Variants in MAGI2 observed in about 807,000 individuals in gnomAD.
MAGI2 encodes membrane-associated guanylate kinase, WW and PDZ domain-containing protein 2.
MAGI2 carries 35 observed loss-of-function variants against 133.3 expected under a neutral mutation model. That is an observed-to-expected ratio of 0.26 (90% CI 0.20 to 0.35). The LOEUF (loss-of-function observed/expected upper bound fraction) is 0.35, where lower values mean the gene tolerates loss of function less well. Ranked by LOEUF, MAGI2 falls within the 10% of genes least tolerant of loss-of-function variation. The probability of loss-of-function intolerance (pLI) is 1.00; values close to 1 mark genes in which losing one functional copy is unlikely to be tolerated. For missense variants in MAGI2, 1,636 were observed against 1,863.4 expected (o/e 0.88, Z 2.25); for synonymous variants, 729 against 710.6 (o/e 1.03, Z -0.41).
intron 1 of MAGI2, among the ~76,000 whole-genome samples, chr7:79,135,997 A>C (rs931689467): frequency 2.8e-4 from 13 of 47,222 alleles, no homozygotes; most frequent in African/African-American, 6.7e-4. Flanking sequence ...GAAAGAAAGA[A>C]AGAAAGAGAA....
Position 78,494,231 on chromosome 7 carries a change from A to G in MAGI2, c.966-4391T>C, listed in dbSNP as rs150950318. Among the ~76,000 whole-genome samples, 641 of 152,242 alleles carry G rather than the reference A, an allele frequency of 4.2e-3. 4 individuals are homozygous for G. The highest frequency in any genetic ancestry group is 0.015 in the African/African-American group (610 of 41,550). On this transcript the variant is annotated intron_variant, in intron 5 of 21. Coordinates refer to ENST00000354212, the MANE Select transcript of MAGI2 (RefSeq NM_012301.4). ...CCTTGGCCTCCAAATTACTGGGATTACAGGCATGAACCACCGTGCCTGGCC... is the reference window on the plus strand; with the variant it reads ...CCTTGGCCTCCAAATTACTGGGATTGCAGGCATGAACCACCGTGCCTGGCC...
At chr7:78,636,406 G>A (rs1444228635) in intron 2 of MAGI2, among the ~76,000 whole-genome samples, 1 of 147,858 alleles carries the variant, frequency 6.8e-6, no homozygotes, top group Non-Finnish European at 1.5e-5. Context: ...GGATATAAAG[G>A]TTCAAAATAG....
At chr7:78,261,631 G>A (rs973125785) in intron 9 of MAGI2, among the ~76,000 whole-genome samples, 3 of 152,044 alleles carry the variant, frequency 2.0e-5, no homozygotes, top group Admixed American at 6.6e-5. Context: ...CTCCAGTTTA[G>A]TGTTTCTAAC....
chr7:78,919,602 G>T (rs1220333123), intron 2 of MAGI2, among the ~76,000 whole-genome samples: 5 of 151,964 alleles, frequency 3.3e-5, no homozygotes, highest in Non-Finnish European at 7.4e-5. Flanking sequence ...ATTGGAGTGG[G>T]TCCATATAAA....
chr7:79,061,459 T>C (rs2117072246), intron 1 of MAGI2, among the ~76,000 whole-genome samples: 1 of 152,134 alleles, frequency 6.6e-6, no homozygotes, highest in East Asian at 1.9e-4. Flanking sequence ...GTTACAAATC[T>C]TCTAGTGTTT....
intron 2 of MAGI2, among the ~76,000 whole-genome samples, chr7:78,785,910 T>C (rs1762554608): frequency 6.6e-6 from 1 of 152,146 alleles, no homozygotes; most frequent in Non-Finnish European, 1.5e-5. Context: ...TTGGTGAGAC[T>C]TCATACACTA....
intron 2 of MAGI2, among the ~76,000 whole-genome samples, chr7:78,951,120 C>T (rs192323255): frequency 5.9e-5 from 9 of 151,874 alleles, no homozygotes; most frequent in African/African-American, 1.9e-4. Context: ...TACAGGTGTG[C>T]ACCACCACGC....
chr7:78,372,889 T>C (rs74302400), intron 6 of MAGI2, among the ~76,000 whole-genome samples: 8,191 of 152,258 alleles, frequency 0.054, 319 homozygotes, highest in South Asian at 0.095. Flanking sequence ...GAGACCCCTT[T>C]ATGGTAGCTC....
chr7:79,121,388 A>G (rs28584374), intron 1 of MAGI2, among the ~76,000 whole-genome samples: 3,015 of 152,206 alleles, frequency 0.02, 119 homozygotes, highest in African/African-American at 0.069. Context: ...CAGGAGGTGA[A>G]TTCAATGTTT....
intron 2 of MAGI2, among the ~76,000 whole-genome samples, chr7:78,721,186 C>T (rs563899829): frequency 6.6e-6 from 1 of 152,008 alleles, no homozygotes; most frequent in Non-Finnish European, 1.5e-5. Context: ...ACCAGTTCTT[C>T]CTCATGGCTG....
chr7:78,132,955 G>A lies in MAGI2; in HGVS notation c.3137C>T (p.Thr1046Ile). Residue 1046 changes from threonine (T) to isoleucine (I), a missense_variant, in exon 18 of 22, where the codon ACC becomes ATC. Thr to Ile is a moderately conservative substitution (Grantham distance 89). Around this residue, in one of 5 missense-constraint regions of MAGI2, gnomAD observed 920 missense variants for 1,093.5 expected, o/e 0.84. Coordinates refer to ENST00000354212, the MANE Select transcript of MAGI2 (RefSeq NM_012301.4). ...QSPLAQPSPA[T>I]PNSPIAQPAP... ...TGGCTGGGCGATGGGGCTGTTGGGG[G>A]TGGCTGGGCTTGGCTGGGCCAGGGG... The A allele has an allele frequency of 6.2e-7, 1 of 1,613,788 alleles. No individual in the cohort carries two copies. The highest frequency in any genetic ancestry group is 1.1e-5 in the South Asian group (1 of 91,040).
intron 12 of MAGI2, among the ~76,000 whole-genome samples, chr7:78,189,308 T>TA (rs996599891): frequency 6.6e-6 from 1 of 152,180 alleles, no homozygotes; most frequent in African/African-American, 2.4e-5. Context: ...TATATAGTAC[T>TA]AAAAAACAGT....
chr7:78,130,181 T>C (rs1821421231), intron 18 of MAGI2, among the ~76,000 whole-genome samples: 1 of 152,152 alleles, frequency 6.6e-6, no homozygotes, highest in South Asian at 2.1e-4. Flanking sequence ...TTTGCTTATC[T>C]TCACATTAAA....
intron 2 of MAGI2, among the ~76,000 whole-genome samples, chr7:78,638,732 T>A (rs2150983143): frequency 6.6e-6 from 1 of 152,318 alleles, no homozygotes; most frequent in African/African-American, 2.4e-5. Flanking sequence ...ATTTCCTGAA[T>A]TTTTTAAGAG....
At chr7:79,411,755 G>T (rs922110646) in intron 1 of MAGI2, 2 of 151,930 alleles carry the variant, frequency 1.3e-5, no homozygotes, top group Non-Finnish European at 2.9e-5. Context: ...TTCTTTAAAG[G>T]GAACAATAGA....
intron 2 of MAGI2, among the ~76,000 whole-genome samples, chr7:78,888,071 C>G (rs575977191): frequency 4.6e-5 from 7 of 152,192 alleles, no homozygotes; most frequent in African/African-American, 1.7e-4. Context: ...AACGGCATAC[C>G]AGGAGATTAT....
intron 1 of MAGI2, among the ~76,000 whole-genome samples, chr7:79,272,691 G>C (rs1215059036): frequency 7.2e-6 from 1 of 138,596 alleles, no homozygotes; most frequent in Non-Finnish European, 1.5e-5. Flanking sequence ...TTATGGTTAT[G>C]AATATTTTTT....
At chr7:78,346,416 C>T (rs966662463) in intron 7 of MAGI2, among the ~76,000 whole-genome samples, 8 of 152,176 alleles carry the variant, frequency 5.3e-5, no homozygotes, top group African/African-American at 1.4e-4. Context: ...AAGAGCATCA[C>T]CTGAGCTTTG....
chr7:78,856,941 G>C (rs938911164), intron 2 of MAGI2, among the ~76,000 whole-genome samples: 19 of 152,244 alleles, frequency 1.2e-4, no homozygotes, highest in Middle Eastern at 6.8e-3. Flanking sequence ...GCAGTGGTTT[G>C]TAGTTCTCCT....
Sources: allele counts gnomAD v4.1 joint callset (sites outside exome capture counted in the v4.1 genomes callset), GRCh38; gene constraint gnomAD v4.1.1; regional missense constraint gnomAD v4.1.1; transcripts MANE v1.5; gene names NCBI Gene and HGNC (gene_info 2026-07-23, HGNC 2026-07-21).